The following ARIH1 variants were observed in gnomAD, a reference collection of about 807,000 sequenced individuals.
The protein encoded by ARIH1 is ariadne RBR E3 ubiquitin protein ligase 1.
In ARIH1, 8 loss-of-function variants were observed where a neutral mutation model predicts 85.0. The ratio of observed to expected loss-of-function variants is 0.09; its 90% confidence interval spans 0.06 to 0.17. The LOEUF is 0.17. Among genes scored for constraint, ARIH1 ranks in the 10% least tolerant of loss-of-function variants. The pLI is 1.00. For missense variants in ARIH1, 311 were observed against 718.1 expected, an observed-to-expected ratio of 0.43 and a Z score of 6.48; for synonymous variants, 238 against 253.6, an observed-to-expected ratio of 0.94 and a Z score of 0.59.
rs573544923 is a variant in ARIH1, at chr15:72,579,176, T to A, written c.1216-1555T>A. On this transcript the variant is annotated intron_variant, in intron 11 of 13. Coordinates refer to ENST00000379887, the MANE Select transcript of ARIH1 (RefSeq NM_005744.5). The stretch of plus-strand genomic sequence containing the variant: ...TGATATCTCTTGAGTCTCCTCTACC[T>A]GTTGTTCCTTCTCTTCCCCCCTCCT... Among the ~76,000 whole-genome samples the A allele has an allele frequency of 2.6e-5, 4 of 152,340 alleles. No homozygotes were observed. In the South Asian group the frequency reaches 8.3e-4, roughly 32 times the overall value.
intron 11 of ARIH1, among the ~76,000 whole-genome samples, chr15:72,575,270 C>A (rs569298054): frequency 6.6e-6 from 1 of 152,088 alleles, no homozygotes; most frequent in Non-Finnish European, 1.5e-5. Flanking sequence ...ATTCCAGATT[C>A]TGGCATTTGA....
intron 12 of ARIH1, 74 bp downstream of exon 12, chr15:72,581,065 CAG>C (rs2064293276): frequency 7.5e-6 from 11 of 1,457,900 alleles, no homozygotes; most frequent in African/African-American, 2.8e-5. Flanking sequence ...ATATAAGATA[CAG>C]AGTTTTCAGG....
intron 2 of ARIH1, among the ~76,000 whole-genome samples, chr15:72,523,981 C>G (rs1015206609): frequency 9.3e-5 from 10 of 107,552 alleles, no homozygotes; most frequent in Non-Finnish European, 1.4e-4. Context: ...GAGTCTCGCT[C>G]TTTTGCCCAG....
chr15:72,507,702 A>G (rs1168491228), intron 1 of ARIH1, among the ~76,000 whole-genome samples: 1 of 152,196 alleles, frequency 6.6e-6, no homozygotes, highest in Admixed American at 6.5e-5. Flanking sequence ...ACAGTCAATT[A>G]AGAGCTTATG....
intron 1 of ARIH1, among the ~76,000 whole-genome samples, chr15:72,515,531 G>A (rs955341997): frequency 1.7e-4 from 26 of 152,238 alleles, no homozygotes; most frequent in African/African-American, 6.3e-4. Flanking sequence ...ATATTGTATT[G>A]TGAGATTCTG....
At chr15:72,530,043 A>T (rs2064048786) in intron 2 of ARIH1, among the ~76,000 whole-genome samples, 1 of 152,204 alleles carries the variant, frequency 6.6e-6, no homozygotes, top group East Asian at 1.9e-4. Flanking sequence ...TATTGTCCTG[A>T]CTTACAATAG....
At chr15:72,525,421 A>T (rs1490436608) in intron 2 of ARIH1, among the ~76,000 whole-genome samples, 2 of 152,230 alleles carry the variant, frequency 1.3e-5, no homozygotes, top group Non-Finnish European at 2.9e-5. Flanking sequence ...ATCAACTAAA[A>T]TCTACAATAA....
chr15:72,552,054 A>T (rs1294745929), intron 3 of ARIH1, among the ~76,000 whole-genome samples: 1 of 152,170 alleles, frequency 6.6e-6, no homozygotes, highest in Non-Finnish European at 1.5e-5. Context: ...GGGGAGCCTG[A>T]TGATAGCTAT....
At chr15:72,513,333 G>A (rs2063958142) in intron 1 of ARIH1, among the ~76,000 whole-genome samples, 2 of 152,086 alleles carry the variant, frequency 1.3e-5, no homozygotes, top group African/African-American at 2.4e-5. Context: ...GCTCTAGGGA[G>A]TATAATCTAA....
At chr15:72,556,543 A>C (rs2064175430) in intron 5 of ARIH1, among the ~76,000 whole-genome samples, 1 of 152,238 alleles carries the variant, frequency 6.6e-6, no homozygotes, top group African/African-American at 2.4e-5. Context: ...TTCAGCTAAC[A>C]GCTCTTCTTG....
intron 1 of ARIH1, among the ~76,000 whole-genome samples, chr15:72,512,841 T>A (rs1276755556): frequency 1.3e-5 from 2 of 151,920 alleles, no homozygotes; most frequent in Non-Finnish European, 2.9e-5. Context: ...GAGAGAGGAG[T>A]GTTGAAATCT....
chr15:72,481,848 T>C (rs75503797), intron 1 of ARIH1, among the ~76,000 whole-genome samples: 1,585 of 152,250 alleles, frequency 0.01, 11 homozygotes, highest in Non-Finnish European at 0.016. Context: ...TTTCTTTTCT[T>C]TTTTGGAGAC....
At chr15:72,557,933 G>T (rs772414936) in intron 5 of ARIH1, among the ~76,000 whole-genome samples, 20 of 152,112 alleles carry the variant, frequency 1.3e-4, no homozygotes, top group Admixed American at 5.9e-4. Context: ...TCAGCTCTAG[G>T]AGCCTTTTGG....
At chr15:72,579,781 T>A (rs1355616322) in intron 11 of ARIH1, among the ~76,000 whole-genome samples, 1 of 152,160 alleles carries the variant, frequency 6.6e-6, no homozygotes, top group Non-Finnish European at 1.5e-5. Flanking sequence ...CACAGTACTG[T>A]TTCATCAGTA....
At chr15:72,493,830 A>G (rs1032086285) in intron 1 of ARIH1, among the ~76,000 whole-genome samples, 3 of 152,164 alleles carry the variant, frequency 2.0e-5, no homozygotes, top group Admixed American at 6.5e-5. Context: ...AAGTTAAAAC[A>G]GTCTTAGTAT....
chr15:72,570,065 C>T, intron 9 of ARIH1, 112 bp from the exon 10 acceptor site: 1 of 1,238,274 alleles, frequency 8.1e-7, no homozygotes. Context: ...ATGTATTAAC[C>T]ACAATAAATA....
At chr15:72,550,578 T>C (rs570645497) in intron 3 of ARIH1, among the ~76,000 whole-genome samples, 2 of 152,326 alleles carry the variant, frequency 1.3e-5, no homozygotes, top group South Asian at 4.1e-4. Flanking sequence ...CCTTCTCTGA[T>C]GGGGAGTAAT....
chr15:72,577,263 G>A (rs994296924), intron 11 of ARIH1, among the ~76,000 whole-genome samples: 8 of 152,046 alleles, frequency 5.3e-5, no homozygotes, highest in African/African-American at 1.9e-4. Context: ...GGGATTACAG[G>A]CGTGAGCCAC....
In ARIH1 at chr15:72,571,613, T is replaced by C. The variant is rs192229929; in HGVS notation, c.1158-495T>C. On this transcript the variant is annotated intron_variant, in intron 10 of 13. Coordinates refer to ENST00000379887, the MANE Select transcript of ARIH1 (RefSeq NM_005744.5). The stretch of plus-strand genomic sequence containing the variant: ...AGCACATAGCACAGCATCTGTTACA[T>C]GGTAGGCTGTCAACTGTTGGTTCTC... Among the ~76,000 whole-genome samples, 75 of 152,208 alleles carry C rather than the reference T, an allele frequency of 4.9e-4. No individual in the cohort carries two copies. In the East Asian group the frequency reaches 0.013, roughly 25 times the overall value.
Sources: gnomAD v4.1 joint callset for allele counts (sites outside exome capture counted in the v4.1 genomes callset) on GRCh38, gnomAD v4.1.1 for gene constraint, MANE v1.5 for transcripts, NCBI Gene and HGNC (gene_info 2026-07-23, HGNC 2026-07-21) for gene names.